PRKN: variants seen among roughly 807,000 people sequenced by gnomAD.
PRKN encodes E3 ubiquitin-protein ligase parkin.
In PRKN, 56 loss-of-function variants were observed where a neutral mutation model predicts 59.5. That is an observed-to-expected ratio of 0.94 (90% CI 0.76 to 1.18). The LOEUF (loss-of-function observed/expected upper bound fraction) is 1.18. PRKN is among the 50% of genes most tolerant of loss of function. PRKN has a pLI of 0.00. For synonymous variants in PRKN, 250 were observed against 222.1 expected (o/e 1.13, Z -1.12); for missense variants, 657 against 596.4 (o/e 1.10, Z -1.06).
chr6:162,108,350 G>C (rs542816922), intron 4 of PRKN, among the ~76,000 whole-genome samples: 3 of 152,204 alleles, frequency 2.0e-5, no homozygotes, highest in African/African-American at 7.2e-5. Flanking sequence ...AAATGCACTA[G>C]GAATCAGCGC....
intron 9 of PRKN, among the ~76,000 whole-genome samples, chr6:161,412,217 ATTCC>A: frequency 7.6e-6 from 1 of 131,258 alleles, no homozygotes; most frequent in South Asian, 2.4e-4. Context: ...TTCCTCACTC[ATTCC>A]TTCCTTCCTC....
intron 1 of PRKN, among the ~76,000 whole-genome samples, chr6:162,526,222 T>C (rs1344846409): frequency 9.2e-6 from 1 of 108,890 alleles, no homozygotes; most frequent in African/African-American, 3.7e-5. Context: ...AATAATTAAA[T>C]AGAAATTAGT....
chr6:161,946,414 A>ACACACACACACACACACACTCTCT (rs1247187053), intron 6 of PRKN, among the ~76,000 whole-genome samples: 78 of 114,438 alleles, frequency 6.8e-4, no homozygotes, highest in Middle Eastern at 4.6e-3. Context: ...ACACACACAC[A>ACACACACACACACACACACTCTCT]CTCTCTCTCT....
Position 161,704,218 on chromosome 6 carries a change from C to T in PRKN, c.871+81554G>A, listed in dbSNP as rs181910472. Among the ~76,000 whole-genome samples the T allele has an allele frequency of 2.9e-3, 439 of 152,172 alleles. 1 individual carries two copies. The highest frequency in any genetic ancestry group is 6.8e-3 in the Middle Eastern group (2 of 294). ...CAGAGCCTGTGTGGCATCTAGAAGA[C>T]GGAACACTCCCAGTACATACTTGCT... On this transcript the variant is annotated intron_variant, in intron 7 of 11. Transcript: ENST00000366898.
At position 162,201,140 on chromosome 6, in the gene PRKN, G is replaced by C; in HGVS notation, c.525C>G (p.Thr175=). Residue 175 remains threonine (T), a synonymous_variant, in exon 4 of 12, where the codon ACC becomes ACG. Transcript: ENST00000366898. ...QCSTCRQATL[T]LTQGPSCWDD... is the part of the protein sequence containing the mutation. Reference sequence around the variant, plus strand: ...CACTGCATTTCCTTACCTGGGTCAAGGTGAGCGTTGCCTGCCTGCAGGTGC... The same window carrying C: ...CACTGCATTTCCTTACCTGGGTCAACGTGAGCGTTGCCTGCCTGCAGGTGC... 1 of 1,614,138 alleles carries C rather than the reference G, an allele frequency of 6.2e-7. No homozygotes were observed. Among genetic ancestry groups the C allele is most frequent in the Non-Finnish European group, 8.5e-7 (1 of 1,180,008 alleles).
chr6:162,238,368 T>C (rs1381270064), intron 3 of PRKN, among the ~76,000 whole-genome samples: 1 of 152,182 alleles, frequency 6.6e-6, no homozygotes, highest in Non-Finnish European at 1.5e-5. Context: ...GTAAGTATAC[T>C]CTATGTTGTT....
At chr6:162,363,386 T>G (rs531925355) in intron 2 of PRKN, among the ~76,000 whole-genome samples, 115 of 152,256 alleles carry the variant, frequency 7.6e-4, no homozygotes, top group African/African-American at 2.7e-3. Flanking sequence ...AAAAAATGTA[T>G]TTTTCTATAC....
intron 7 of PRKN, among the ~76,000 whole-genome samples, chr6:161,664,663 T>C (rs1161753386): frequency 1.3e-5 from 2 of 152,212 alleles, no homozygotes; most frequent in African/African-American, 4.8e-5. Context: ...TGGATTTTTT[T>C]CCAAATACTG....
intron 1 of PRKN, among the ~76,000 whole-genome samples, chr6:162,635,695 T>C (rs1261443027): frequency 6.6e-6 from 1 of 152,188 alleles, no homozygotes; most frequent in Non-Finnish European, 1.5e-5. Context: ...AGTTTGTTGA[T>C]TCTCAGTGGT....
chr6:162,191,844 A>C (rs948126311), intron 4 of PRKN, among the ~76,000 whole-genome samples: 10 of 152,180 alleles, frequency 6.6e-5, no homozygotes, highest in Non-Finnish European at 2.9e-5. Flanking sequence ...CTATGCCATG[A>C]AGGACAGTGG....
chr6:161,900,707 CATATAAT>C (rs1448112507), intron 6 of PRKN, among the ~76,000 whole-genome samples: 4 of 73,690 alleles, frequency 5.4e-5, no homozygotes, highest in Admixed American at 1.6e-4. Context: ...AGTAATATAT[CATATAAT>C]ATATAATACA....
chr6:162,255,097 TAAA>T lies in PRKN; in HGVS notation c.412+7425_412+7427del, dbSNP rs1348447706. On this transcript the variant is annotated intron_variant, in intron 3 of 11. Coordinates refer to ENST00000366898, the MANE Select transcript of PRKN (RefSeq NM_004562.3). ...CATACAAAAATAAAATAAAATAAAA[TAAA>T]ATAAAATAAAATAAAATAAAATAAA... Among the ~76,000 whole-genome samples, 15 of 143,980 alleles carry T rather than the reference TAAA, an allele frequency of 1.0e-4. No homozygotes were observed. In the Admixed American group the frequency reaches 1.0e-3, roughly 10 times the overall value. 94.5% of individuals were successfully genotyped at this position (143,980 alleles called of 152,430 possible).
At chr6:161,996,744 C>T (rs1442975447) in intron 5 of PRKN, among the ~76,000 whole-genome samples, 2 of 151,904 alleles carry the variant, frequency 1.3e-5, no homozygotes, top group African/African-American at 4.8e-5. Context: ...GTGAAGGGAA[C>T]AGTATAAGTA....
intron 4 of PRKN, among the ~76,000 whole-genome samples, chr6:162,187,365 A>T (rs1784073360): frequency 6.6e-6 from 1 of 152,196 alleles, no homozygotes; most frequent in African/African-American, 2.4e-5. Flanking sequence ...CAGCTTAAAC[A>T]TATCCCATGA....
rs546188943 is a variant in PRKN at position 161,364,673 on chromosome 6, G to A, written c.1168-4468C>T. On this transcript the variant is annotated intron_variant, in intron 10 of 11. Coordinates refer to ENST00000366898, the MANE Select transcript of PRKN (RefSeq NM_004562.3). ...AAAAAAAAATCCAAGTAGGCTGTGT[G>A]TGGTGGCTCACGCCTGTAATCCTAG... is the stretch of plus-strand genomic sequence containing the variant. 2.0e-5 allele frequency among the ~76,000 whole-genome samples: 3 copies of A among 152,084 alleles called. No individual in the cohort carries two copies. In the East Asian group the frequency reaches 5.8e-4, roughly 29 times the overall value.
At position 162,675,295 on chromosome 6, in the gene PRKN, C is replaced by T. The variant is rs541361525; in HGVS notation, c.7+52367G>A. 5.3e-5 allele frequency among the ~76,000 whole-genome samples: 8 copies of T among 152,126 alleles called. No individual in the cohort carries two copies. The South Asian group carries it at 8.3e-4, about 16-fold the overall frequency. On this transcript the variant is annotated intron_variant, in intron 1 of 11. Coordinates refer to ENST00000366898, the MANE Select transcript of PRKN (RefSeq NM_004562.3). ...GATCTCTTGACCTCATGATCCCCCC[C>T]GCCTCGGCCTCCCAAAGTGCCGGGA...
chr6:162,039,385 A>T (rs116281694), intron 5 of PRKN, among the ~76,000 whole-genome samples: 1,892 of 152,086 alleles, frequency 0.012, 30 homozygotes, highest in African/African-American at 0.043. Context: ...GTCTGGTGGG[A>T]CGTGTTTGGA....
At chr6:162,380,329 C>T (rs1198615416) in intron 2 of PRKN, among the ~76,000 whole-genome samples, 1 of 150,622 alleles carries the variant, frequency 6.6e-6, no homozygotes, top group African/African-American at 2.4e-5. Context: ...TTGGTATCAT[C>T]ATAGAGAACA....
intron 7 of PRKN, among the ~76,000 whole-genome samples, chr6:161,708,461 G>GAAAAAA (rs67537331): frequency 8.0e-6 from 1 of 124,762 alleles, no homozygotes; most frequent in East Asian, 2.6e-4. Flanking sequence ...GTTGATTTCA[G>GAAAAAA]AAAAAAAAAA....
Sources: allele counts gnomAD v4.1 joint callset (sites outside exome capture counted in the v4.1 genomes callset), GRCh38; gene constraint gnomAD v4.1.1; transcripts MANE v1.5; gene names NCBI Gene and HGNC (gene_info 2026-07-23, HGNC 2026-07-21).